Variants in PFKP observed in about 807,000 individuals in gnomAD.
PFKP encodes phosphofructokinase, platelet, also known as ATP-dependent 6-phosphofructokinase, platelet type.
Under a neutral mutation model 94.3 loss-of-function variants are expected in PFKP, and 101 were observed. The observed-to-expected ratio is 1.07, with a 90% CI of 0.91 to 1.26. PFKP has a LOEUF of 1.26. Ranked by LOEUF, PFKP falls within the 50% of genes most tolerant of loss-of-function variation. The pLI is 0.00. For missense variants in PFKP, 1,145 were observed against 1,103.3 expected (o/e 1.04, Z -0.53); for synonymous variants, 573 against 432.6 (o/e 1.32, Z -4.03).
At chr10:3,127,960 C>T (rs1168635330) in intron 16 of PFKP, among the ~76,000 whole-genome samples, 2 of 152,192 alleles carry the variant, frequency 1.3e-5, no homozygotes, top group Non-Finnish European at 2.9e-5. Context: ...GAACATTTCC[C>T]AATGGGTGTT....
Position 3,130,081 on chromosome 10 carries a change from C to CATGGAG in PFKP, c.1848+108_1848+113dup, listed in dbSNP as rs1187855612. The CATGGAG allele has an allele frequency of 2.2e-4, 238 of 1,078,042 alleles. 1 individual carries two copies. The highest frequency in any genetic ancestry group is 8.7e-4 in the African/African-American group (54 of 62,396). The allele number at this position is 1,078,042 out of a possible 1,614,324, so 66.8% of individuals were successfully genotyped here. On this transcript the variant is annotated intron_variant, in intron 17 of 21. Transcript: ENST00000381125. ...CTAGGGTGGTTTGCTTTCCAAGGGG[C>CATGGAG]ATGGAGATGGAGATGCTACAGAACA...
intron 2 of PFKP, among the ~76,000 whole-genome samples, chr10:3,093,894 T>C (rs111520826): frequency 0.027 from 4,039 of 152,208 alleles, 166 homozygotes; most frequent in African/African-American, 0.086. Context: ...CCGCCCGCCT[T>C]GGCCTCCCAA....
intron 16 of PFKP, among the ~76,000 whole-genome samples, chr10:3,122,305 G>A (rs535692063): frequency 6.6e-6 from 1 of 152,268 alleles, no homozygotes; most frequent in South Asian, 2.1e-4. Flanking sequence ...TGATGGGTGA[G>A]TGGCGCCGTC....
intron 3 of PFKP, 110 bp downstream of exon 3, chr10:3,099,462 G>A: frequency 1.2e-6 from 1 of 818,974 alleles, no homozygotes; most frequent in Non-Finnish European, 2.1e-6. Context: ...AGATTATGTG[G>A]ACAGAACAGA....
chr10:3,133,202 G>A lies in PFKP; in HGVS notation c.1911-1G>A, dbSNP rs768098724. 1 of 1,611,514 alleles carries A rather than the reference G, an allele frequency of 6.2e-7. No homozygotes were observed. The highest frequency in any genetic ancestry group is 8.5e-7 in the Non-Finnish European group (1 of 1,177,682). On this transcript the variant is annotated splice_acceptor_variant, in intron 18 of 21. Transcript: ENST00000381125. LOFTEE classifies it high-confidence loss of function. The stretch of plus-strand genomic sequence containing the variant: ...AAGTGACTCCTTCTCGCTCGTTTCA[G>A]AAATGAGAGCTGCAGTGAAAACTAC...
chr10:3,117,843 T>TA (rs1836991414), intron 14 of PFKP, among the ~76,000 whole-genome samples: 2 of 152,198 alleles, frequency 1.3e-5, no homozygotes, highest in South Asian at 2.1e-4. Flanking sequence ...TGAAGAGGCT[T>TA]AAGAAACCTC....
At chr10:3,104,066 G>C (rs1835301594) in intron 5 of PFKP, 122 bp downstream of exon 5, 6 of 790,720 alleles carry the variant, frequency 7.6e-6, no homozygotes, top group Non-Finnish European at 1.2e-5. Flanking sequence ...CTCGTAACTT[G>C]ACTTTTAGGA....
intron 17 of PFKP, among the ~76,000 whole-genome samples, chr10:3,130,207 AAC>A (rs1047710288): frequency 7.0e-6 from 1 of 143,270 alleles, no homozygotes; most frequent in African/African-American, 2.6e-5. Context: ...TCATGTGTGA[AAC>A]ACAAGCTTGT....
At chr10:3,083,063 A>G (rs1053966231) in intron 2 of PFKP, among the ~76,000 whole-genome samples, 10 of 152,322 alleles carry the variant, frequency 6.6e-5, no homozygotes, top group African/African-American at 2.4e-4. Flanking sequence ...AGGATTAGAA[A>G]TCAACCAATG....
Position 3,093,835 on chromosome 10 carries a change from G to GACAA in PFKP, c.187-5440_187-5439insACAA, listed in dbSNP as rs1834259870. Among the ~76,000 whole-genome samples the GACAA allele has an allele frequency of 7.2e-5, 11 of 152,122 alleles. No individual in the cohort carries two copies. In the South Asian group the frequency reaches 2.3e-3, roughly 32 times the overall value. ...ATTTTTTGTATTTTTAGTAGAGGTG[G>GACAA]GGTTTCACCGTGTTAGCCAGGATGG... On this transcript the variant is annotated intron_variant, in intron 2 of 21. Coordinates refer to ENST00000381125, the MANE Select transcript of PFKP (RefSeq NM_002627.5).
In PFKP at chr10:3,096,747, G is replaced by A. The variant is rs372730226; in HGVS notation, c.187-2528G>A. ...TGCTCCCAGACCTGAAGAATGGAGC[G>A]CTCTGTTGTGCTTGCAGAATGAAGC... On this transcript the variant is annotated intron_variant, in intron 2 of 21. Coordinates refer to ENST00000381125, the MANE Select transcript of PFKP (RefSeq NM_002627.5). Among the ~76,000 whole-genome samples the A allele has an allele frequency of 1.3e-3, 202 of 152,006 alleles. 1 individual carries two copies. The highest frequency in any genetic ancestry group is 3.8e-3 in the African/African-American group (156 of 41,404).
rs773855097 is a variant in PFKP at position 3,125,174 on chromosome 10, G to A, written c.1684-4645G>A. On this transcript the variant is annotated intron_variant, in intron 16 of 21. Transcript: ENST00000381125. ...TTTGCATCCCCCTGTGTGTGGTGCC[G>A]GCCACGATTAGCAACAATGTCCCAG... 123 of 1,349,366 alleles carry A rather than the reference G, an allele frequency of 9.1e-5. 2 individuals are homozygous for A. The highest frequency in any genetic ancestry group is 1.0e-4 in the Non-Finnish European group (101 of 1,014,434). 83.6% of individuals were successfully genotyped at this position (1,349,366 alleles called of 1,614,324 possible).
chr10:3,118,793 G>C lies in PFKP; in HGVS notation c.1454G>C (p.Gly485Ala). ...SILGTKRVLPGKYLEEIATQM... is the reference protein window; with the variant it reads ...SILGTKRVLPAKYLEEIATQM... ...GTGGCTATTTTCAGCGTTCTCCCGGGGAAGTACTTGGAAGAGATCGCCACA... is the reference window on the plus strand; with the variant it reads ...GTGGCTATTTTCAGCGTTCTCCCGGCGAAGTACTTGGAAGAGATCGCCACA... The change falls in exon 15 of 22, where the codon GGG becomes GCG. Residue 485 changes from glycine to alanine, a missense_variant. Gly to Ala is a moderately conservative substitution (Grantham distance 60). Transcript: ENST00000381125. 6.2e-7 allele frequency: 1 copy of C among 1,613,312 alleles called. No individual in the cohort carries two copies.
intron 8 of PFKP, among the ~76,000 whole-genome samples, 166 bp from the exon 9 acceptor site, chr10:3,108,535 A>T (rs973388271): frequency 2.6e-5 from 4 of 151,880 alleles, no homozygotes; most frequent in African/African-American, 9.7e-5. Context: ...GCTGCCTGTT[A>T]TATACACTAA....
At chr10:3,122,279 G>T (rs56180516) in intron 16 of PFKP, among the ~76,000 whole-genome samples, 6 of 152,084 alleles carry the variant, frequency 3.9e-5, no homozygotes, top group African/African-American at 1.2e-4. Flanking sequence ...TTGGGAGTGC[G>T]GTGGTTCTAG....
intron 3 of PFKP, 121 bp downstream of exon 3, chr10:3,099,473 CT>C (rs1296741285): frequency 7.9e-6 from 6 of 756,960 alleles, no homozygotes; most frequent in Non-Finnish European, 1.1e-5. Flanking sequence ...ACAGAACAGA[CT>C]TTGTGAGCAG....
chr10:3,102,106 CCGGGCGTAGTGG>C (rs1290933728), intron 4 of PFKP, among the ~76,000 whole-genome samples: 2 of 150,502 alleles, frequency 1.3e-5, no homozygotes, highest in African/African-American at 4.9e-5. Flanking sequence ...AAAAAATTAG[CCGGGCGTAGTGG>C]CGGGCGCCTG....
rs761624404 is a variant in PFKP at position 3,113,353 on chromosome 10, C to A, written c.1225-19C>A. 3 of 1,576,076 alleles carry A rather than the reference C, an allele frequency of 1.9e-6. No homozygotes were observed. The highest frequency in any genetic ancestry group is 2.6e-6 in the Non-Finnish European group (3 of 1,157,100). ...ACGTGTGCCCGTGACCCAGCACTCA[C>A]CTGCCTTCTGTTTTGCAGACCAATT... On this transcript the variant is annotated intron_variant, in intron 12 of 21. Coordinates refer to ENST00000381125, the MANE Select transcript of PFKP (RefSeq NM_002627.5).
chr10:3,080,313 G>C (rs12412657), intron 1 of PFKP, among the ~76,000 whole-genome samples: 34,624 of 151,490 alleles, frequency 0.23, 4,196 homozygotes, highest in East Asian at 0.34. Context: ...GTCAGGAGAT[G>C]GAGACCATCC....
Sources: gnomAD v4.1 joint callset for allele counts (sites outside exome capture counted in the v4.1 genomes callset) on GRCh38, gnomAD v4.1.1 for gene constraint, MANE v1.5 for transcripts, NCBI Gene and HGNC (gene_info 2026-07-23, HGNC 2026-07-21) for gene names.